Variants in PLXDC2 observed in about 807,000 individuals in gnomAD.
PLXDC2 encodes the protein plexin domain-containing protein 2.
Under a neutral mutation model 68.9 loss-of-function variants are expected in PLXDC2, and 40 were observed. The ratio of observed to expected loss-of-function variants is 0.58; its 90% confidence interval spans 0.45 to 0.76. The LOEUF is 0.76. PLXDC2 is among the 30% of genes least tolerant of loss of function. The pLI is 0.00. For missense variants in PLXDC2, 644 were observed against 661.9 expected (o/e 0.97, Z 0.30); for synonymous variants, 243 against 234.2 (o/e 1.04, Z -0.34).
At chr10:20,085,180 G>A (rs898463362) in intron 4 of PLXDC2, among the ~76,000 whole-genome samples, 1 of 144,364 alleles carries the variant, frequency 6.9e-6, no homozygotes, top group African/African-American at 2.7e-5. Context: ...AAAAAGGTGG[G>A]GGGAGCCTAT....
chr10:19,879,538 C>G (rs1837692255), intron 1 of PLXDC2, among the ~76,000 whole-genome samples: 2 of 152,048 alleles, frequency 1.3e-5, no homozygotes, highest in South Asian at 4.1e-4. Context: ...GACAAATACC[C>G]TTGTTTAGTG....
intron 12 of PLXDC2, among the ~76,000 whole-genome samples, chr10:20,225,773 C>T (rs1835277904): frequency 6.6e-6 from 1 of 152,060 alleles, no homozygotes; most frequent in African/African-American, 2.4e-5. Flanking sequence ...TTCTCCATAA[C>T]AATTAAATAT....
At chr10:19,983,041 C>T (rs1026388834) in intron 1 of PLXDC2, among the ~76,000 whole-genome samples, 1 of 152,118 alleles carries the variant, frequency 6.6e-6, no homozygotes, top group Non-Finnish European at 1.5e-5. Flanking sequence ...TTTATATGTT[C>T]TTTAGACTGT....
chr10:20,169,398 C>T (rs1302882627), intron 7 of PLXDC2, among the ~76,000 whole-genome samples: 1 of 152,144 alleles, frequency 6.6e-6, no homozygotes, highest in Non-Finnish European at 1.5e-5. Context: ...AGTTTTAACA[C>T]CGTCATATAT....
chr10:20,005,591 G>A (rs1488214661), intron 2 of PLXDC2, among the ~76,000 whole-genome samples: 2 of 152,144 alleles, frequency 1.3e-5, no homozygotes, highest in Admixed American at 1.3e-4. Context: ...GGCTTCTGGT[G>A]TGGCCTCAGG....
chr10:20,185,850 T>C (rs2131834039), intron 9 of PLXDC2, among the ~76,000 whole-genome samples: 1 of 152,098 alleles, frequency 6.6e-6, no homozygotes, highest in East Asian at 1.9e-4. Context: ...AACTTTAGGC[T>C]TATTTTAATG....
intron 1 of PLXDC2, among the ~76,000 whole-genome samples, chr10:19,985,684 T>C (rs185367775): frequency 1.6e-3 from 240 of 152,320 alleles, no homozygotes; most frequent in Middle Eastern, 0.01. Context: ...ATCTTCAGAA[T>C]AAAAGCATTG....
At chr10:19,886,784 T>A (rs1731897457) in intron 1 of PLXDC2, among the ~76,000 whole-genome samples, 1 of 152,086 alleles carries the variant, frequency 6.6e-6, no homozygotes, top group Non-Finnish European at 1.5e-5. Context: ...GGGCAATAAA[T>A]AAGATTTTTA....
intron 4 of PLXDC2, among the ~76,000 whole-genome samples, chr10:20,103,917 G>A (rs1228504264): frequency 6.6e-6 from 1 of 152,160 alleles, no homozygotes; most frequent in Non-Finnish European, 1.5e-5. Context: ...TGCTAGGATT[G>A]CAAGCGTGAG....
intron 12 of PLXDC2, among the ~76,000 whole-genome samples, chr10:20,239,865 T>G (rs529222335): frequency 6.6e-6 from 1 of 152,300 alleles, no homozygotes; most frequent in Non-Finnish European, 1.5e-5. Context: ...GAACTAAACT[T>G]CATTTATGGG....
At position 20,217,323 on chromosome 10, in the gene PLXDC2, A is replaced by T. The variant is rs939664938; in HGVS notation, c.1123-103A>T. On this transcript the variant is annotated intron_variant, in intron 10 of 13. Coordinates refer to ENST00000377252, the MANE Select transcript of PLXDC2 (RefSeq NM_032812.9). ...CAAAAGTAATTTATTCCTTGTCTTG[A>T]TATGAGAGGCTTTTGTGCTTTACAG... is the stretch of plus-strand genomic sequence containing the variant. The T allele has an allele frequency of 7.1e-6, 7 of 991,828 alleles. No homozygotes were observed. In the Admixed American group the frequency reaches 1.2e-4, roughly 18 times the overall value. The allele number at this position is 991,828 out of a possible 1,614,324, so 61.4% of individuals were successfully genotyped here. A position where few individuals can be genotyped will look rare whatever the true frequency, so the allele number is the denominator to read the frequency against.
chr10:20,152,249 G>A (rs1453715279), intron 6 of PLXDC2, among the ~76,000 whole-genome samples: 1 of 152,086 alleles, frequency 6.6e-6, no homozygotes, highest in Non-Finnish European at 1.5e-5. Flanking sequence ...TTGAAATAGG[G>A]AAGTACAACT....
chr10:20,168,910 T>A (rs1329002938), intron 7 of PLXDC2, among the ~76,000 whole-genome samples: 2 of 152,184 alleles, frequency 1.3e-5, no homozygotes, highest in Non-Finnish European at 2.9e-5. Flanking sequence ...ATTTGTAATA[T>A]ACACATATAT....
chr10:20,183,882 CTT>C (rs1834642061), intron 9 of PLXDC2, among the ~76,000 whole-genome samples: 2 of 151,970 alleles, frequency 1.3e-5, no homozygotes, highest in African/African-American at 4.8e-5. Context: ...ATGTTGAACA[CTT>C]AACCTCTTGG....
At chr10:19,873,372 C>G (rs1837575841) in intron 1 of PLXDC2, among the ~76,000 whole-genome samples, 1 of 148,474 alleles carries the variant, frequency 6.7e-6, no homozygotes, top group Non-Finnish European at 1.5e-5. Context: ...CAGCTTTCCA[C>G]TACTGGAATG....
chr10:20,089,248 T>C (rs965640678), intron 4 of PLXDC2, among the ~76,000 whole-genome samples: 18 of 151,058 alleles, frequency 1.2e-4, no homozygotes, highest in East Asian at 9.7e-4. Context: ...AGCAAAGGCT[T>C]TGCAAGCTCA....
At chr10:19,838,884 G>A (rs1042021819) in intron 1 of PLXDC2, among the ~76,000 whole-genome samples, 28 of 152,050 alleles carry the variant, frequency 1.8e-4, no homozygotes, top group African/African-American at 6.0e-4. Context: ...TATAAGCATC[G>A]CTTAAGATTA....
chr10:19,969,023 T>C (rs948890583), intron 1 of PLXDC2, among the ~76,000 whole-genome samples: 5 of 152,344 alleles, frequency 3.3e-5, no homozygotes, highest in African/African-American at 1.2e-4. Context: ...CTGAAGAACC[T>C]CACAGCTTTA....
chr10:19,859,019 C>CGAGA lies in PLXDC2; in HGVS notation c.112+41854_112+41857dup, dbSNP rs60326474. Among the ~76,000 whole-genome samples the CGAGA allele has an allele frequency of 3.6e-3, 477 of 131,002 alleles. 1 individual carries two copies. Among genetic ancestry groups the CGAGA allele is most frequent in the Middle Eastern group, 0.02 (5 of 256 alleles). 85.9% of individuals were successfully genotyped at this position (131,002 alleles called of 152,430 possible). Reference sequence around the variant, plus strand: ...AGGGAACCCATGATGAGAAAAGCAGCGAGAGAGAGAGAGAGAGAGAGAGAG... The same window carrying CGAGA: ...AGGGAACCCATGATGAGAAAAGCAGCGAGAGAGAGAGAGAGAGAGAGAGAGAGAG... On this transcript the variant is annotated intron_variant, in intron 1 of 13. Coordinates refer to ENST00000377252, the MANE Select transcript of PLXDC2 (RefSeq NM_032812.9).
Sources: gnomAD v4.1 joint callset for allele counts (sites outside exome capture counted in the v4.1 genomes callset) on GRCh38, gnomAD v4.1.1 for gene constraint, MANE v1.5 for transcripts, NCBI Gene and HGNC (gene_info 2026-07-23, HGNC 2026-07-21) for gene names.